TMBIM6: variants seen among roughly 807,000 people sequenced by gnomAD.
TMBIM6 encodes the protein bax inhibitor 1.
In TMBIM6, 13 loss-of-function variants were observed where a neutral mutation model predicts 31.4. The ratio of observed to expected loss-of-function variants is 0.41; its 90% confidence interval spans 0.27 to 0.66. TMBIM6 has a LOEUF of 0.66. Ranked by LOEUF, TMBIM6 falls within the 30% of genes least tolerant of loss-of-function variation. The probability of loss-of-function intolerance (pLI) is 0.28; values close to 1 mark genes in which losing one functional copy is unlikely to be tolerated. For synonymous variants in TMBIM6, 85 were observed against 101.7 expected (o/e 0.84, Z 0.99); for missense variants, 275 against 289.5 (o/e 0.95, Z 0.36).
At chr12:49,759,462 T>C in intron 8 of TMBIM6, 141 bp downstream of exon 8, 1 of 673,832 alleles carries the variant, frequency 1.5e-6, no homozygotes, top group Non-Finnish European at 2.6e-6. Flanking sequence ...TTTGGAACTG[T>C]GTACCATAAT....
rs1300440477 is a variant in TMBIM6, at chr12:49,755,608, A to ATGAT, written c.166-17_166-14dup. The ATGAT allele has an allele frequency of 3.7e-6, 6 of 1,607,224 alleles. No homozygotes were observed. The Admixed American group carries it at 8.7e-5, about 23-fold the overall frequency. On this transcript the variant is annotated intron_variant, in intron 3 of 9. Coordinates refer to ENST00000267115, the MANE Select transcript of TMBIM6 (RefSeq NM_003217.3). ...TAAATTTGAAACTTTCAAGTGTTTA[A>ATGAT]TGATTGATTGATTCTGACTCTAACA...
intron 1 of TMBIM6, among the ~76,000 whole-genome samples, chr12:49,748,611 G>A (rs1026552178): frequency 1.3e-5 from 2 of 152,190 alleles, no homozygotes; most frequent in African/African-American, 4.8e-5. Context: ...TGGGATGAAG[G>A]CATAACAGGA....
chr12:49,753,414 T>A (rs1945532588), intron 3 of TMBIM6, among the ~76,000 whole-genome samples: 1 of 152,334 alleles, frequency 6.6e-6, no homozygotes, highest in South Asian at 2.1e-4. Context: ...ATTCTTCCTT[T>A]ACAAAACTCT....
chr12:49,758,601 G>A, intron 6 of TMBIM6, 82 bp from the exon 7 acceptor site: 7 of 1,559,058 alleles, frequency 4.5e-6, no homozygotes, highest in South Asian at 4.5e-5. Context: ...TTCATTCTGG[G>A]GGAAGTTAAG....
intron 1 of TMBIM6, among the ~76,000 whole-genome samples, chr12:49,747,333 A>C (rs1301530182): frequency 1.3e-5 from 2 of 151,642 alleles, no homozygotes; most frequent in African/African-American, 2.4e-5. Context: ...GTGCAGTGAC[A>C]CATTTTTGCT....
intron 4 of TMBIM6, among the ~76,000 whole-genome samples, chr12:49,757,717 G>A (rs1027169914): frequency 1.3e-5 from 2 of 152,220 alleles, no homozygotes; most frequent in African/African-American, 4.8e-5. Flanking sequence ...AAAGAGGAAA[G>A]TAATTAGAAC....
At chr12:49,759,544 C>G (rs1945672819) in intron 8 of TMBIM6, among the ~76,000 whole-genome samples, 1 of 152,104 alleles carries the variant, frequency 6.6e-6, no homozygotes, top group Non-Finnish European at 1.5e-5. Flanking sequence ...GTGGCTCACA[C>G]CTATAATCCT....
chr12:49,745,047 C>G (rs1422476962), intron 1 of TMBIM6, among the ~76,000 whole-genome samples: 1 of 152,164 alleles, frequency 6.6e-6, no homozygotes, highest in Non-Finnish European at 1.5e-5. Flanking sequence ...ATTAGCTAAT[C>G]CAGGGATTTG....
In TMBIM6 at chr12:49,741,580, G is replaced by C. The variant is rs968616046; in HGVS notation, c.-62G>C. On this transcript the variant is annotated 5_prime_UTR_variant, in exon 1 of 10. Coordinates refer to ENST00000267115, the MANE Select transcript of TMBIM6 (RefSeq NM_003217.3). The stretch of plus-strand genomic sequence containing the variant: ...TCAGAGCACATCCGGTGTTAGAAGC[G>C]CTGGTAGGCCTTGGAGAGGCGGGTT... 1 of 156,876 alleles carries C rather than the reference G, an allele frequency of 6.4e-6. No individual in the cohort carries two copies. Among genetic ancestry groups the C allele is most frequent in the African/African-American group, 2.4e-5 (1 of 41,484 alleles). 9.7% of individuals were successfully genotyped at this position (156,876 alleles called of 1,614,324 possible).
chr12:49,757,405 G>A (rs1945624554), intron 4 of TMBIM6, among the ~76,000 whole-genome samples: 1 of 152,198 alleles, frequency 6.6e-6, no homozygotes, highest in African/African-American at 2.4e-5. Flanking sequence ...TATCATAGGA[G>A]CTTCTGTTCT....
At chr12:49,744,004 T>C (rs1433683611) in intron 1 of TMBIM6, among the ~76,000 whole-genome samples, 4 of 152,174 alleles carry the variant, frequency 2.6e-5, no homozygotes, top group Non-Finnish European at 5.9e-5. Context: ...GGTAAAATGA[T>C]TTTTCCTAGG....
rs895412917 is a variant in TMBIM6, at chr12:49,764,740, A to C, written c.*1844A>C. The C allele has an allele frequency of 7.3e-5, 11 of 151,334 alleles. No homozygotes were observed. Among genetic ancestry groups the C allele is most frequent in the African/African-American group, 9.8e-5 (4 of 40,900 alleles). 9.4% of individuals were successfully genotyped at this position (151,334 alleles called of 1,614,324 possible). ...AAAAAAAAGAAAGAAAAAAAAAAAA[A>C]CACCTACTTTTAAAGAAAATACCTA... On this transcript the variant is annotated 3_prime_UTR_variant, in exon 10 of 10. Coordinates refer to ENST00000267115, the MANE Select transcript of TMBIM6 (RefSeq NM_003217.3).
intron 1 of TMBIM6, among the ~76,000 whole-genome samples, chr12:49,743,002 T>A (rs1019649554): frequency 3.3e-5 from 5 of 149,680 alleles, no homozygotes; most frequent in African/African-American, 1.2e-4. Context: ...TTTTTTTTTT[T>A]TTGAGGCAGA....
chr12:49,761,729 T>G lies in TMBIM6; in HGVS notation c.640T>G (p.Phe214Val). The change falls in exon 9 of 10, where the codon TTC (phenylalanine) becomes GTC (valine). Residue 214 changes from phenylalanine to valine, a missense_variant. Phe to Val is a conservative substitution (Grantham distance 50, BLOSUM62 -1). Transcript: ENST00000267115. ...GCACTGCATTGATCTCTTCTTAGAT[T>G]TCATTACTGTCTTCAGAAAACTCAT... is the stretch of plus-strand genomic sequence containing the variant. ...IWHCIDLFLD[F>V]ITVFRKLMMI... 4 of 1,614,258 alleles carry G rather than the reference T, an allele frequency of 2.5e-6. No homozygotes were observed. The highest frequency in any genetic ancestry group is 3.4e-6 in the Non-Finnish European group (4 of 1,180,054).
rs1945777655 is a variant in TMBIM6 at position 49,764,431 on chromosome 12, TTG to T, written c.*1539_*1540del. ...TCCTACGAAATCATTTGTTTCTAAG[TTG>T]TGTTTATTCCTGGAGTGACATGCCA... On this transcript the variant is annotated 3_prime_UTR_variant, in exon 10 of 10. Transcript: ENST00000267115. 1 of 152,340 alleles carries T rather than the reference TTG, an allele frequency of 6.6e-6. No individual in the cohort carries two copies. The highest frequency in any genetic ancestry group is 1.5e-5 in the Non-Finnish European group (1 of 68,034). 9.4% of individuals were successfully genotyped at this position (152,340 alleles called of 1,614,324 possible).
chr12:49,754,759 A>G (rs1033278943), intron 3 of TMBIM6, among the ~76,000 whole-genome samples: 1 of 152,218 alleles, frequency 6.6e-6, no homozygotes, highest in African/African-American at 2.4e-5. Context: ...TTAAAAAAAG[A>G]AACACTTTTT....
Position 49,758,211 on chromosome 12 carries a change from G to T in TMBIM6, c.287-16G>T. ...AATTGATCGTAATACTGTGTTCTGG[G>T]TTTTCTGTTTTCTAGGAGTTGGCCT... On this transcript the variant is annotated splice_polypyrimidine_tract_variant and intron_variant, in intron 4 of 9. Coordinates refer to ENST00000267115, the MANE Select transcript of TMBIM6 (RefSeq NM_003217.3). 6.2e-7 allele frequency: 1 copy of T among 1,614,110 alleles called. No homozygotes were observed. Among genetic ancestry groups the T allele is most frequent in the South Asian group, 1.1e-5 (1 of 91,084 alleles).
At chr12:49,743,075 C>G (rs1945327980) in intron 1 of TMBIM6, among the ~76,000 whole-genome samples, 1 of 148,482 alleles carries the variant, frequency 6.7e-6, no homozygotes, top group Non-Finnish European at 1.5e-5. Flanking sequence ...ACCTTGACCT[C>G]TCCTGGCTTA....
rs369184287 is a variant in TMBIM6 at position 49,750,062 on chromosome 12, G to A, written c.-30-2402G>A. On this transcript the variant is annotated intron_variant, in intron 1 of 9. Transcript: ENST00000267115. ...TCTATTAAATCAAAGTGAAATTGCC[G>A]TTTGACATCTCATCCCCCTGCCCCA... is the stretch of plus-strand genomic sequence containing the variant. Among the ~76,000 whole-genome samples the A allele has an allele frequency of 7.2e-5, 11 of 152,194 alleles. No homozygotes were observed. The South Asian group carries it at 2.1e-3, about 29-fold the overall frequency.
Sources: gnomAD v4.1 joint callset for allele counts (sites outside exome capture counted in the v4.1 genomes callset) on GRCh38, gnomAD v4.1.1 for gene constraint, MANE v1.5 for transcripts, NCBI Gene and HGNC (gene_info 2026-07-23, HGNC 2026-07-21) for gene names.